Variants in MAP4K3 observed in about 807,000 individuals in gnomAD.
The protein encoded by MAP4K3 is mitogen-activated protein kinase kinase kinase kinase 3, also known as MAPK/ERK kinase kinase kinase 3.
Under a neutral mutation model 143.5 loss-of-function variants are expected in MAP4K3, and 94 were observed. The ratio of observed to expected loss-of-function variants is 0.65; its 90% CI spans 0.55 to 0.78. The LOEUF is 0.78. MAP4K3 is among the 30% of genes least tolerant of loss of function. MAP4K3 has a pLI of 0.00. For missense variants in MAP4K3, 1,077 were observed against 1,068.1 expected, an observed-to-expected ratio of 1.01 and a Z score of -0.12; for synonymous variants, 416 against 347.2, an observed-to-expected ratio of 1.20 and a Z score of -2.20.
intron 1 of MAP4K3, 54 bp downstream of exon 1, chr2:39,436,838 T>C: frequency 6.6e-7 from 1 of 1,506,580 alleles, no homozygotes; most frequent in Non-Finnish European, 9.1e-7. Flanking sequence ...ACGCCCAGGC[T>C]TGGCTGCGGG....
intron 27 of MAP4K3, among the ~76,000 whole-genome samples, chr2:39,266,643 C>T (rs570762919): frequency 1.3e-5 from 2 of 152,234 alleles, no homozygotes; most frequent in East Asian, 1.9e-4. Flanking sequence ...CCTTTCCACA[C>T]TATACTTGTG....
At chr2:39,255,436 G>A (rs1240330499) in intron 31 of MAP4K3, among the ~76,000 whole-genome samples, 1 of 152,104 alleles carries the variant, frequency 6.6e-6, no homozygotes, top group South Asian at 2.1e-4. Flanking sequence ...GTAAGCAATT[G>A]TACCAGCATC....
At chr2:39,282,276 T>A (rs1041016761) in intron 22 of MAP4K3, among the ~76,000 whole-genome samples, 2 of 151,928 alleles carry the variant, frequency 1.3e-5, no homozygotes, top group Non-Finnish European at 2.9e-5. Context: ...GGTGGGCAGA[T>A]CACTTGAGGC....
chr2:39,252,493 T>C (rs573310024), intron 32 of MAP4K3, among the ~76,000 whole-genome samples: 4 of 152,350 alleles, frequency 2.6e-5, no homozygotes, highest in South Asian at 2.1e-4. Flanking sequence ...TAATTATCTT[T>C]CCCACTTCTT....
chr2:39,400,359 T>C (rs534987460), intron 1 of MAP4K3, among the ~76,000 whole-genome samples: 5 of 152,358 alleles, frequency 3.3e-5, no homozygotes, highest in African/African-American at 1.2e-4. Flanking sequence ...GCTCATAATA[T>C]TTTAAAGTAC....
At chr2:39,350,517 T>C (rs555885075) in intron 3 of MAP4K3, among the ~76,000 whole-genome samples, 4 of 152,320 alleles carry the variant, frequency 2.6e-5, no homozygotes, top group Admixed American at 2.6e-4. Context: ...CTGTAATCTT[T>C]ATTCTCATAT....
intron 1 of MAP4K3, among the ~76,000 whole-genome samples, chr2:39,431,474 T>A (rs1665286714): frequency 6.6e-6 from 1 of 152,186 alleles, no homozygotes; most frequent in African/African-American, 2.4e-5. Flanking sequence ...CAACTTCAGG[T>A]CCCGTAAAAC....
intron 18 of MAP4K3, among the ~76,000 whole-genome samples, chr2:39,291,491 C>T (rs182428080): frequency 6.6e-6 from 1 of 152,188 alleles, no homozygotes; most frequent in Admixed American, 6.5e-5. Flanking sequence ...AGATATGAAA[C>T]ATCTTTGATG....
intron 24 of MAP4K3, among the ~76,000 whole-genome samples, chr2:39,277,197 G>A (rs756947413): frequency 2.0e-5 from 3 of 152,134 alleles, no homozygotes; most frequent in Non-Finnish European, 4.4e-5. Context: ...TTTGGCTTCT[G>A]CCTGCCTACC....
At chr2:39,336,427 G>A (rs562525376) in intron 6 of MAP4K3, among the ~76,000 whole-genome samples, 15 of 132,260 alleles carry the variant, frequency 1.1e-4, no homozygotes, top group Admixed American at 2.7e-4. Flanking sequence ...AGCCGACATC[G>A]TGCCACTGCA....
At chr2:39,316,084 T>A (rs1229862749) in intron 12 of MAP4K3, among the ~76,000 whole-genome samples, 1 of 152,106 alleles carries the variant, frequency 6.6e-6, no homozygotes, top group Non-Finnish European at 1.5e-5. Flanking sequence ...CTCCACTCCA[T>A]CTCAGTTTCT....
chr2:39,435,268 C>G (rs1025229101), intron 1 of MAP4K3, among the ~76,000 whole-genome samples: 2 of 152,112 alleles, frequency 1.3e-5, no homozygotes, highest in Non-Finnish European at 2.9e-5. Context: ...TTTTAAAAAC[C>G]TAAATCTAAT....
intron 32 of MAP4K3, 42 bp from the exon 33 acceptor site, chr2:39,251,927 C>T: frequency 1.4e-6 from 2 of 1,463,912 alleles, no homozygotes; most frequent in Non-Finnish European, 1.9e-6. Context: ...AAATTAAAGA[C>T]ACAAAATTTT....
intron 1 of MAP4K3, among the ~76,000 whole-genome samples, chr2:39,412,852 A>T (rs558344230): frequency 3.9e-5 from 6 of 152,320 alleles, no homozygotes; most frequent in Middle Eastern, 3.4e-3. Flanking sequence ...AAAAAACCTT[A>T]AAAACTAGTA....
Position 39,286,949 on chromosome 2 carries a change from G to A in MAP4K3, c.1490C>T (p.Ser497Phe), listed in dbSNP as rs760464241. ...KPVALGNGMS[S>F]FQLNGERDGS... is the part of the protein sequence containing the mutation. ...ATCTCGTTCACCATTTAACTGGAAG[G>A]AGCTCATTCCATTTCCTTCAATAAG... The change falls in exon 21 of 34, where the codon TCC becomes TTC. Residue 497 changes from serine to phenylalanine, a missense_variant. By Grantham distance (155) the Ser-to-Phe change is radical. Around this residue, in one of 2 missense-constraint regions of MAP4K3, gnomAD observed 864 missense variants for 801.2 expected, o/e 1.08. Transcript: ENST00000263881. The A allele has an allele frequency of 6.2e-7, 1 of 1,602,844 alleles. No individual in the cohort carries two copies. Among genetic ancestry groups the A allele is most frequent in the Non-Finnish European group, 8.5e-7 (1 of 1,174,026 alleles).
At chr2:39,288,555 C>G (rs111748145) in intron 19 of MAP4K3, among the ~76,000 whole-genome samples, 1,580 of 152,262 alleles carry the variant, frequency 0.01, 28 homozygotes, top group African/African-American at 0.036. Context: ...TCACAAGTCT[C>G]CCCACTTAGA....
rs1335754712 is a variant in MAP4K3, at chr2:39,345,164, A to T, written c.246-1712T>A. Among the ~76,000 whole-genome samples the T allele has an allele frequency of 3.3e-5, 5 of 152,226 alleles. No homozygotes were observed. In the East Asian group the frequency reaches 9.7e-4, roughly 29 times the overall value. ...GAGGGAAGAGGATTTCTTGAGGCCAACAGTTTGAGACCAGCCTGGGCAACA... is the reference window on the plus strand; with the variant it reads ...GAGGGAAGAGGATTTCTTGAGGCCATCAGTTTGAGACCAGCCTGGGCAACA... On this transcript the variant is annotated intron_variant, in intron 3 of 33. Coordinates refer to ENST00000263881, the MANE Select transcript of MAP4K3 (RefSeq NM_003618.4).
intron 12 of MAP4K3, among the ~76,000 whole-genome samples, chr2:39,319,547 G>A (rs1461473181): frequency 6.6e-6 from 1 of 152,076 alleles, no homozygotes; most frequent in Non-Finnish European, 1.5e-5. Flanking sequence ...TACGTCAAGG[G>A]ACAACTATAT....
intron 1 of MAP4K3, among the ~76,000 whole-genome samples, chr2:39,409,677 T>A (rs1667186513): frequency 6.6e-6 from 1 of 152,222 alleles, no homozygotes; most frequent in Non-Finnish European, 1.5e-5. Flanking sequence ...GCATAGTAGA[T>A]ATTGAGATAT....
Sources: allele counts gnomAD v4.1 joint callset (sites outside exome capture counted in the v4.1 genomes callset), GRCh38; gene constraint gnomAD v4.1.1; regional missense constraint gnomAD v4.1.1; transcripts MANE v1.5; gene names NCBI Gene and HGNC (gene_info 2026-07-23, HGNC 2026-07-21).